CAMTA1: variants seen among roughly 807,000 people sequenced by gnomAD.
CAMTA1 encodes calmodulin binding transcription activator 1.
Under a neutral mutation model 170.9 loss-of-function variants are expected in CAMTA1, and 27 were observed. The ratio of observed to expected loss-of-function variants is 0.16; its 90% CI spans 0.12 to 0.22. The LOEUF (loss-of-function observed/expected upper bound fraction) is 0.22, where lower values mean the gene tolerates loss of function less well. Among genes scored for constraint, CAMTA1 ranks in the 10% least tolerant of loss-of-function variants. The probability of loss-of-function intolerance (pLI) is 1.00; values close to 1 mark genes in which losing one functional copy is unlikely to be tolerated. For synonymous variants in CAMTA1, 833 were observed against 891.5 expected (o/e 0.93, Z 1.17); for missense variants, 1,619 against 2,217.2 (o/e 0.73, Z 5.42).
At chr1:6,923,729 CCTT>C (rs1218448143) in intron 3 of CAMTA1, among the ~76,000 whole-genome samples, 1 of 152,138 alleles carries the variant, frequency 6.6e-6, no homozygotes, top group South Asian at 2.1e-4. Context: ...TAGATCCTCT[CCTT>C]CTTTCATGGA....
chr1:6,969,463 C>A (rs6663775), intron 3 of CAMTA1, among the ~76,000 whole-genome samples: 149,643 of 152,194 alleles, frequency 0.98, 73,581 homozygotes, highest in Middle Eastern at 1. Context: ...CCGGCTCCTC[C>A]CCCGGATGAT....
intron 22 of CAMTA1, among the ~76,000 whole-genome samples, chr1:7,763,732 A>C (rs377463925): frequency 6.6e-6 from 1 of 152,224 alleles, no homozygotes; most frequent in East Asian, 1.9e-4. Context: ...TTTTTATTTC[A>C]TCTCAATGAT....
chr1:7,315,064 G>A (rs1020907424), intron 5 of CAMTA1, among the ~76,000 whole-genome samples: 1 of 152,168 alleles, frequency 6.6e-6, no homozygotes. Context: ...GTCAGTGAAG[G>A]GTGCAGAGAA....
chr1:6,801,405 C>T (rs1191857363), intron 1 of CAMTA1, among the ~76,000 whole-genome samples: 1 of 152,158 alleles, frequency 6.6e-6, no homozygotes, highest in African/African-American at 2.4e-5. Context: ...TGCTCTGGTG[C>T]TGCTCCAAGT....
intron 5 of CAMTA1, among the ~76,000 whole-genome samples, chr1:7,297,508 ATC>A (rs887985928): frequency 2.0e-5 from 3 of 152,192 alleles, no homozygotes; most frequent in Non-Finnish European, 4.4e-5. Flanking sequence ...GACTTCTAGT[ATC>A]TCTGCTTAGC....
intron 5 of CAMTA1, among the ~76,000 whole-genome samples, chr1:7,256,014 T>C (rs1325944338): frequency 6.6e-6 from 1 of 152,122 alleles, no homozygotes; most frequent in East Asian, 1.9e-4. Flanking sequence ...CCTCAGGGAA[T>C]CTCCCGGGGC....
Position 7,635,526 on chromosome 1 carries a change from G to A in CAMTA1, c.511-4874G>A, listed in dbSNP as rs190523373. Among the ~76,000 whole-genome samples the A allele has an allele frequency of 2.6e-5, 4 of 151,638 alleles. No homozygotes were observed. The highest frequency in any genetic ancestry group is 1.9e-4 in the East Asian group (1 of 5,152). The stretch of plus-strand genomic sequence containing the variant: ...CCAGAGGCTGAGGCAGGAGAATGGC[G>A]TGAACCCGGGAGGCGGAGGTTGCAG... On this transcript the variant is annotated intron_variant, in intron 6 of 22. Transcript: ENST00000303635. This position sits in a 1 kb window ranked among gnomAD's most constrained non-coding sequence, Gnocchi z 4.4.
At chr1:7,347,241 A>T (rs761004228) in intron 5 of CAMTA1, among the ~76,000 whole-genome samples, 2 of 152,114 alleles carry the variant, frequency 1.3e-5, no homozygotes, top group Non-Finnish European at 2.9e-5. Context: ...GTCTTTCCAC[A>T]ATGAGGCCCG....
intron 12 of CAMTA1, among the ~76,000 whole-genome samples, chr1:7,734,446 AC>A (rs1428114151): frequency 1.3e-5 from 2 of 152,286 alleles, no homozygotes; most frequent in African/African-American, 4.8e-5. Flanking sequence ...TCCCATGTTA[AC>A]CACTACTGAA....
At position 6,891,611 on chromosome 1, in the gene CAMTA1, A is replaced by G. The variant is rs186068449; in HGVS notation, c.234+66401A>G. ...TTCAACTAGGCGTTTTTGCCATCTC[A>G]TAGCTACTTCTCAAGCAATTACAAT... On this transcript the variant is annotated intron_variant, in intron 3 of 22. Transcript: ENST00000303635. 2.5e-3 allele frequency among the ~76,000 whole-genome samples: 387 copies of G among 152,296 alleles called. 4 individuals carry two copies. Among genetic ancestry groups the G allele is most frequent in the African/African-American group, 8.9e-3 (371 of 41,566 alleles).
At chr1:7,439,807 C>T (rs1276428337) in intron 5 of CAMTA1, among the ~76,000 whole-genome samples, 1 of 152,220 alleles carries the variant, frequency 6.6e-6, no homozygotes, top group African/African-American at 2.4e-5. Context: ...GTGCCGAGCC[C>T]AGCCTCCCAG....
At chr1:7,059,321 A>T (rs1195505247) in intron 3 of CAMTA1, among the ~76,000 whole-genome samples, 2 of 152,130 alleles carry the variant, frequency 1.3e-5, no homozygotes, top group African/African-American at 4.8e-5. Context: ...AAGTTAGAGG[A>T]GTTTAAGAAA....
intron 6 of CAMTA1, among the ~76,000 whole-genome samples, chr1:7,564,628 G>A (rs574273790): frequency 5.9e-5 from 9 of 152,164 alleles, no homozygotes; most frequent in East Asian, 3.9e-4. Context: ...GGGTATGTAC[G>A]TTTGCAGGCG....
At chr1:7,292,159 A>T (rs1673231346) in intron 5 of CAMTA1, among the ~76,000 whole-genome samples, 1 of 152,230 alleles carries the variant, frequency 6.6e-6, no homozygotes, top group Admixed American at 6.5e-5. Flanking sequence ...TATTTTTAAA[A>T]TAAAATATAT....
intron 4 of CAMTA1, among the ~76,000 whole-genome samples, chr1:7,103,212 G>T (rs547706636): frequency 1.3e-5 from 2 of 152,154 alleles, no homozygotes; most frequent in East Asian, 3.9e-4. Context: ...CCTAGGGATG[G>T]ACAATGAACT....
chr1:6,909,308 A>G (rs1378886598), intron 3 of CAMTA1, among the ~76,000 whole-genome samples: 1 of 152,242 alleles, frequency 6.6e-6, no homozygotes, highest in Admixed American at 6.5e-5. Flanking sequence ...GTATGTCTGA[A>G]TTACTTCCGA....
intron 6 of CAMTA1, among the ~76,000 whole-genome samples, chr1:7,589,247 C>T (rs2095336051): frequency 1.3e-5 from 2 of 152,188 alleles, no homozygotes; most frequent in Non-Finnish European, 2.9e-5. Context: ...TTGTGCCTGT[C>T]CTCAGGTCTA....
intron 3 of CAMTA1, among the ~76,000 whole-genome samples, chr1:7,062,561 C>T (rs1708377449): frequency 6.6e-6 from 1 of 152,154 alleles, no homozygotes; most frequent in Non-Finnish European, 1.5e-5. Flanking sequence ...CGGACAGGCA[C>T]AGGCTCCACC....
chr1:6,877,101 C>T (rs1571269564), intron 3 of CAMTA1, among the ~76,000 whole-genome samples: 1 of 152,124 alleles, frequency 6.6e-6, no homozygotes, highest in Non-Finnish European at 1.5e-5. Context: ...GTTGGGATGG[C>T]GGAGAGCAGA....
Sources: allele counts gnomAD v4.1 joint callset (sites outside exome capture counted in the v4.1 genomes callset), GRCh38; gene constraint gnomAD v4.1.1; non-coding constraint Gnocchi (gnomAD v3.1); transcripts MANE v1.5; gene names NCBI Gene and HGNC (gene_info 2026-07-23, HGNC 2026-07-21).